ROBO1: variants seen among roughly 807,000 people sequenced by gnomAD.
The protein encoded by ROBO1 is roundabout guidance receptor 1.
In ROBO1, 149 loss-of-function variants were observed where a neutral mutation model predicts 195.9. The observed-to-expected ratio is 0.76, with a 90% CI of 0.67 to 0.87. ROBO1 has a LOEUF of 0.87. Ranked by LOEUF, ROBO1 falls within the 40% of genes least tolerant of loss-of-function variation. ROBO1 has a pLI of 0.00. For synonymous variants in ROBO1, 816 were observed against 733.2 expected, an observed-to-expected ratio of 1.11 and a Z score of -1.82; for missense variants, 1,933 against 2,068.3, an observed-to-expected ratio of 0.93 and a Z score of 1.27.
At chr3:78,789,067 A>G (rs1325428629) in intron 4 of ROBO1, among the ~76,000 whole-genome samples, 7 of 152,300 alleles carry the variant, frequency 4.6e-5, no homozygotes, top group Admixed American at 3.3e-4. Flanking sequence ...ATGCAAAATA[A>G]TAAGCCTTCT....
chr3:78,761,451 A>G (rs999620666), intron 4 of ROBO1, among the ~76,000 whole-genome samples: 1 of 152,158 alleles, frequency 6.6e-6, no homozygotes, highest in Non-Finnish European at 1.5e-5. Flanking sequence ...ACTATTTTTA[A>G]CAATCTTTTT....
At chr3:79,297,215 T>C (rs979171344) in intron 2 of ROBO1, among the ~76,000 whole-genome samples, 7 of 152,188 alleles carry the variant, frequency 4.6e-5, no homozygotes, top group East Asian at 3.8e-4. Flanking sequence ...AAATAAACTG[T>C]TGGAAATATT....
At chr3:78,610,703 G>C (rs1180139200) in intron 28 of ROBO1, among the ~76,000 whole-genome samples, 5 of 152,042 alleles carry the variant, frequency 3.3e-5, no homozygotes, top group African/African-American at 1.2e-4. Context: ...TTCTAGATAG[G>C]TGTTATTTAT....
At chr3:79,506,026 T>G (rs1225274407) in intron 2 of ROBO1, among the ~76,000 whole-genome samples, 2 of 152,198 alleles carry the variant, frequency 1.3e-5, no homozygotes, top group African/African-American at 2.4e-5. Context: ...AGAGGGTTAA[T>G]GTTAAGCCTG....
chr3:79,763,899 C>CTTGT (rs1704843623), intron 1 of ROBO1, among the ~76,000 whole-genome samples: 1 of 152,066 alleles, frequency 6.6e-6, no homozygotes, highest in South Asian at 2.1e-4. Flanking sequence ...AATCAAACTC[C>CTTGT]TTGTTTAAAT....
intron 2 of ROBO1, among the ~76,000 whole-genome samples, chr3:79,584,637 G>A (rs974028150): frequency 1.4e-5 from 2 of 138,258 alleles, no homozygotes; most frequent in East Asian, 2.1e-4. Flanking sequence ...GTGTGTGTGT[G>A]TATGTTCATA....
chr3:79,263,319 T>C (rs898052932), intron 2 of ROBO1, among the ~76,000 whole-genome samples: 2 of 152,030 alleles, frequency 1.3e-5, no homozygotes, highest in African/African-American at 4.8e-5. Flanking sequence ...AAGACCAGTC[T>C]CTCCATACAT....
At chr3:79,410,493 A>T (rs995784995) in intron 2 of ROBO1, among the ~76,000 whole-genome samples, 12 of 152,162 alleles carry the variant, frequency 7.9e-5, no homozygotes, top group African/African-American at 2.9e-4. Context: ...AAATACGGTC[A>T]GTAAGACCAA....
At chr3:79,179,994 T>C (rs2081314403) in intron 2 of ROBO1, among the ~76,000 whole-genome samples, 1 of 152,210 alleles carries the variant, frequency 6.6e-6, no homozygotes, top group South Asian at 2.1e-4. Context: ...AAAATTCTGG[T>C]AACCACAGTT....
At chr3:79,265,656 A>G (rs951226953) in intron 2 of ROBO1, among the ~76,000 whole-genome samples, 1 of 151,556 alleles carries the variant, frequency 6.6e-6, no homozygotes, top group Non-Finnish European at 1.5e-5. Flanking sequence ...TTAATAATAA[A>G]AATATGAAAA....
At chr3:79,681,622 T>C (rs555329207) in intron 1 of ROBO1, among the ~76,000 whole-genome samples, 74 of 152,018 alleles carry the variant, frequency 4.9e-4, no homozygotes, top group African/African-American at 1.8e-3. Context: ...GATCTTGTGG[T>C]AGATAGTAGA....
intron 4 of ROBO1, among the ~76,000 whole-genome samples, chr3:78,788,458 A>G (rs952887521): frequency 1.4e-3 from 205 of 149,456 alleles, no homozygotes; most frequent in Non-Finnish European, 2.5e-3. Context: ...AAAAAAAAAA[A>G]AAAAGATTCC....
At chr3:79,018,825 C>T in intron 3 of ROBO1, 1 of 1,015,092 alleles carries the variant, frequency 9.9e-7, no homozygotes, top group Non-Finnish European at 1.2e-6. Flanking sequence ...CCACAATGTG[C>T]GGCCGAGCGC....
chr3:79,300,168 T>C (rs528884412), intron 2 of ROBO1, among the ~76,000 whole-genome samples: 2 of 152,162 alleles, frequency 1.3e-5, no homozygotes, highest in Admixed American at 1.3e-4. Context: ...AGCCCCTTCC[T>C]GGGCTGGCCA....
intron 3 of ROBO1, among the ~76,000 whole-genome samples, chr3:78,950,309 C>T (rs1204247450): frequency 6.6e-6 from 1 of 151,952 alleles, no homozygotes; most frequent in Non-Finnish European, 1.5e-5. Flanking sequence ...GGCACGTATA[C>T]ACCATGGAAT....
intron 2 of ROBO1, among the ~76,000 whole-genome samples, chr3:79,565,329 G>A (rs1361075961): frequency 2.6e-5 from 4 of 151,224 alleles, no homozygotes; most frequent in Admixed American, 2.0e-4. Flanking sequence ...ATTGATTCTC[G>A]GTGTCTTTAA....
intron 1 of ROBO1, among the ~76,000 whole-genome samples, chr3:79,592,299 T>C (rs1944020730): frequency 6.6e-6 from 1 of 151,934 alleles, no homozygotes; most frequent in Admixed American, 6.6e-5. Context: ...TCCCCCAAGT[T>C]ATATTATTCA....
chr3:79,498,863 GA>G (rs1032784026), intron 2 of ROBO1, among the ~76,000 whole-genome samples: 10 of 142,832 alleles, frequency 7.0e-5, no homozygotes, highest in Admixed American at 2.8e-4. Flanking sequence ...CAGAAAAAAA[GA>G]AAAAAAAAAG....
chr3:79,517,126 A>C (rs1231460454), intron 2 of ROBO1, among the ~76,000 whole-genome samples: 1 of 152,194 alleles, frequency 6.6e-6, no homozygotes, highest in Non-Finnish European at 1.5e-5. Flanking sequence ...CACCTTAAAC[A>C]AAAGAAAATA....
Sources: allele counts gnomAD v4.1 joint callset (sites outside exome capture counted in the v4.1 genomes callset), GRCh38; gene constraint gnomAD v4.1.1; transcripts MANE v1.5; gene names NCBI Gene and HGNC (gene_info 2026-07-23, HGNC 2026-07-21).